The following MSTO1 variants were observed in gnomAD, a reference collection of about 807,000 sequenced individuals.
MSTO1 encodes misato mitochondrial distribution and morphology regulator 1.
A neutral mutation model predicts 55.7 loss-of-function variants in MSTO1; 24 were observed. That is an observed-to-expected ratio of 0.43 (90% confidence interval 0.31 to 0.61). MSTO1 has a LOEUF of 0.61. MSTO1 is among the 20% of genes least tolerant of loss of function. The probability of loss-of-function intolerance (pLI) is 0.09; values close to 1 mark genes in which losing one functional copy is unlikely to be tolerated. For synonymous variants in MSTO1, 162 were observed against 252.8 expected, an observed-to-expected ratio of 0.64 and a Z score of 3.41; for missense variants, 363 against 625.7, an observed-to-expected ratio of 0.58 and a Z score of 4.48.
At chr1:155,600,596 G>A in the MSTO1 span, among the ~76,000 whole-genome samples, 1 of 150,352 alleles carries the variant, frequency 6.7e-6, no homozygotes, top group South Asian at 2.1e-4. Flanking sequence ...CGCCCAGACT[G>A]GAGTGCAGTG....
At chr1:155,587,471 T>C in the MSTO1 span, among the ~76,000 whole-genome samples, 6 of 124,364 alleles carry the variant, frequency 4.8e-5, no homozygotes, top group East Asian at 4.8e-4. Flanking sequence ...AGGCCGGGCG[T>C]GGTGGCTCAC....
At position 155,612,652 on chromosome 1, in the gene MSTO1, C is replaced by T. The variant is rs1218542847; in HGVS notation, c.966+82C>T. 4.6e-6 allele frequency: 7 copies of T among 1,513,178 alleles called. No individual in the cohort carries two copies. In the South Asian group the frequency reaches 6.3e-5, roughly 14 times the overall value. The allele number at this position is 1,513,178 out of a possible 1,614,324, so 93.7% of individuals were successfully genotyped here. On this transcript the variant is annotated intron_variant, in intron 9 of 13. Transcript: ENST00000245564. ...CCAGTCAGCCGCTGTCTGTTACTGGCTCTGTTCTTGAGGCCCGAGCTTGAA... is the reference window on the plus strand; with the variant it reads ...CCAGTCAGCCGCTGTCTGTTACTGGTTCTGTTCTTGAGGCCCGAGCTTGAA...
At chr1:155,600,834 G>A in the MSTO1 span, among the ~76,000 whole-genome samples, 4 of 151,956 alleles carry the variant, frequency 2.6e-5, no homozygotes, top group South Asian at 6.2e-4. Context: ...CTGCCACCAC[G>A]CCCGGCTAAT....
the MSTO1 span, among the ~76,000 whole-genome samples, chr1:155,572,656 T>C: frequency 6.6e-6 from 1 of 152,016 alleles, no homozygotes; most frequent in South Asian, 2.1e-4. Flanking sequence ...AGAATTTTTT[T>C]TTCTTTTTTT....
chr1:155,566,170 A>G, the MSTO1 span: 1 of 152,226 alleles, frequency 6.6e-6, no homozygotes, highest in Non-Finnish European at 1.5e-5. Context: ...AGTGCTTGTC[A>G]TAATACCTGT....
At chr1:155,582,276 A>G in the MSTO1 span, among the ~76,000 whole-genome samples, 1 of 152,176 alleles carries the variant, frequency 6.6e-6, no homozygotes, top group African/African-American at 2.4e-5. Flanking sequence ...TCTGCAGAGA[A>G]GTGTTCAAAT....
chr1:155,607,632 T>C (rs1457658999), upstream of MSTO1, among the ~76,000 whole-genome samples: 1 of 152,234 alleles, frequency 6.6e-6, no homozygotes, highest in Admixed American at 6.5e-5. Context: ...TCAAAACTCT[T>C]AGCAAATCAG....
the MSTO1 span, chr1:155,598,897 A>G: frequency 6.9e-7 from 1 of 1,455,036 alleles, no homozygotes; most frequent in South Asian, 1.1e-5. Context: ...GGACTGGCTG[A>G]TACTACGTAT....
At chr1:155,592,680 A>C in the MSTO1 span, among the ~76,000 whole-genome samples, 1 of 151,672 alleles carries the variant, frequency 6.6e-6, no homozygotes, top group African/African-American at 2.4e-5. Context: ...CAGACACCTG[A>C]GTAGCTGGGA....
At chr1:155,570,721 TA>T in the MSTO1 span, among the ~76,000 whole-genome samples, 1 of 152,198 alleles carries the variant, frequency 6.6e-6, no homozygotes, top group Non-Finnish European at 1.5e-5. Context: ...GCCAGATTTA[TA>T]AATTAAACTT....
chr1:155,604,106 G>T, the MSTO1 span, among the ~76,000 whole-genome samples: 1 of 152,124 alleles, frequency 6.6e-6, no homozygotes, highest in Non-Finnish European at 1.5e-5. Context: ...ATAAGCACTT[G>T]TTCTACAAAG....
At chr1:155,601,782 TCTCA>T in the MSTO1 span, among the ~76,000 whole-genome samples, 1 of 152,054 alleles carries the variant, frequency 6.6e-6, no homozygotes, top group African/African-American at 2.4e-5. Flanking sequence ...TGAGACGGAG[TCTCA>T]CTCTGTCACC....
chr1:155,607,755 T>C (rs1260261100), upstream of MSTO1, among the ~76,000 whole-genome samples: 1 of 152,198 alleles, frequency 6.6e-6, no homozygotes, highest in Non-Finnish European at 1.5e-5. Context: ...GTAATCCCAA[T>C]ATTTTGGGAG....
chr1:155,600,568 G>C, the MSTO1 span, among the ~76,000 whole-genome samples: 10 of 137,380 alleles, frequency 7.3e-5, no homozygotes, highest in Admixed American at 6.7e-5. Context: ...TTTTTTTTGA[G>C]ATGGAGTCTT....
the MSTO1 span, chr1:155,598,984 CTTTAATT>C: frequency 2.2e-6 from 2 of 908,258 alleles, no homozygotes; most frequent in Non-Finnish European, 3.4e-6. Context: ...AGTCTTGTAG[CTTTAATT>C]TTCTAACGGG....
chr1:155,602,142 C>A, the MSTO1 span: 3 of 709,244 alleles, frequency 4.2e-6, no homozygotes, highest in South Asian at 4.1e-5. Flanking sequence ...TTTGATCAAC[C>A]TTTAGAGGTT....
chr1:155,574,086 G>A, the MSTO1 span, among the ~76,000 whole-genome samples: 1 of 152,142 alleles, frequency 6.6e-6, no homozygotes, highest in South Asian at 2.1e-4. Context: ...GCTGGGTGCA[G>A]TGGCTCACGC....
chr1:155,588,614 C>G, the MSTO1 span, among the ~76,000 whole-genome samples: 26 of 152,172 alleles, frequency 1.7e-4, no homozygotes, highest in African/African-American at 6.3e-4. Context: ...AGCCTGTGGC[C>G]TAAACACTGT....
rs775435666 is a variant in MSTO1 at position 155,611,550 on chromosome 1, G to T, written c.368G>T (p.Gly123Val). 1.2e-6 allele frequency: 2 copies of T among 1,602,674 alleles called. No individual in the cohort carries two copies. Among genetic ancestry groups the T allele is most frequent in the Non-Finnish European group, 1.7e-6 (2 of 1,171,386 alleles). ...GTCGATTTTTCTGACCCCTCCCAGGGAGTGCTGAGTAGTGATGGTGTCTGG... is the reference window on the plus strand; with the variant it reads ...GTCGATTTTTCTGACCCCTCCCAGGTAGTGCTGAGTAGTGATGGTGTCTGG... ...PYLQDFLSAE[G>V]VLSSDGVWRV... The change falls in exon 5 of 14, where the codon GGA (glycine) becomes GTA (valine). Residue 123 changes from glycine (G) to valine (V), a missense_variant and splice_region_variant. This residue lies in a region of MSTO1 where 94 missense variants were observed against 212.4 expected (regional missense o/e 0.44). Coordinates refer to ENST00000245564, the MANE Select transcript of MSTO1 (RefSeq NM_018116.4).
Sources: gnomAD v4.1 joint callset for allele counts (sites outside exome capture counted in the v4.1 genomes callset) on GRCh38, gnomAD v4.1.1 for gene constraint, gnomAD v4.1.1 regional missense constraint, MANE v1.5 for transcripts, NCBI Gene and HGNC (gene_info 2026-07-23, HGNC 2026-07-21) for gene names.